Variants in ZNF462 observed in about 807,000 individuals in gnomAD.
ZNF462 encodes the protein zinc finger PBX1-interacting protein.
Under a neutral mutation model 201.9 loss-of-function variants are expected in ZNF462, and 10 were observed. The ratio of observed to expected loss-of-function variants is 0.05; its 90% CI spans 0.03 to 0.08. The LOEUF is 0.08. Among genes scored for constraint, ZNF462 ranks in the 10% least tolerant of loss-of-function variants. The pLI is 1.00. For missense variants in ZNF462, 2,523 were observed against 3,168.3 expected, an observed-to-expected ratio of 0.80 and a Z score of 4.89; for synonymous variants, 1,227 against 1,193.3, an observed-to-expected ratio of 1.03 and a Z score of -0.58.
chr9:106,904,782 T>C (rs180783588), intron 1 of ZNF462, among the ~76,000 whole-genome samples: 1 of 152,354 alleles, frequency 6.6e-6, no homozygotes, highest in Admixed American at 6.5e-5. Flanking sequence ...TTTTTTTCTT[T>C]AAGCTATCTG....
In ZNF462 at chr9:106,928,354, A is replaced by G. The variant is rs750007192; in HGVS notation, c.4442A>G (p.Asn1481Ser). Residue 1481 changes from asparagine to serine, a missense_variant, in exon 3 of 13, where the codon AAC becomes AGC. Asn to Ser is a conservative substitution (Grantham distance 46, BLOSUM62 1). Transcript: ENST00000277225. The surrounding 1 kb of genome is among the most constrained non-coding windows in gnomAD (Gnocchi z 9.3). ...ACGGTATGCCAATCTGAGTATAACA[A>G]CTTGCACGGCCTTCTCACTCATTAT... ...QCTVCQSEYN[N>S]LHGLLTHYGK... The G allele has an allele frequency of 1.9e-6, 3 of 1,614,134 alleles. No homozygotes were observed. The highest frequency in any genetic ancestry group is 2.2e-5 in the East Asian group (1 of 44,880).
At chr9:106,931,673 A>G (rs1213008194) in intron 4 of ZNF462, among the ~76,000 whole-genome samples, 1 of 152,190 alleles carries the variant, frequency 6.6e-6, no homozygotes, top group Non-Finnish European at 1.5e-5. Flanking sequence ...CTGTGTAATC[A>G]GTAACCCAAG....
Position 106,926,581 on chromosome 9 carries a change from A to G in ZNF462, c.2669A>G (p.Glu890Gly). The G allele has an allele frequency of 6.2e-7, 1 of 1,614,124 alleles. No homozygotes were observed. Among genetic ancestry groups the G allele is most frequent in the Admixed American group, 1.7e-5 (1 of 60,016 alleles). The change falls in exon 3 of 13, where the codon GAA becomes GGA. Residue 890 changes from glutamate to glycine, a missense_variant. This residue lies in a region of ZNF462 where 280 missense variants were observed against 321.3 expected (regional missense o/e 0.87). Transcript: ENST00000277225. This position sits in a 1 kb window ranked among gnomAD's most constrained non-coding sequence, Gnocchi z 7.9. ...CACAGTGCAGTGTACAGGTGCCTGG[A>G]ATGCTACATCGATTACACCAACTTC... Reference protein sequence around the residue: ...NDHSAVYRCLECYIDYTNFED... With the variant: ...NDHSAVYRCLGCYIDYTNFED...
intron 1 of ZNF462, among the ~76,000 whole-genome samples, chr9:106,866,518 G>T (rs534885774): frequency 3.0e-4 from 45 of 152,248 alleles, no homozygotes; most frequent in Admixed American, 5.2e-4. Flanking sequence ...AACCATGTTT[G>T]TGCAGACAAA....
upstream of ZNF462, among the ~76,000 whole-genome samples, chr9:106,862,421 G>A (rs1479257305): frequency 2.6e-5 from 4 of 152,108 alleles, no homozygotes; most frequent in Non-Finnish European, 1.5e-5. This position sits in a 1 kb window ranked among gnomAD's most constrained non-coding sequence, Gnocchi z 4.2. Context: ...GGCCAGGGCT[G>A]CCGGGCGCCA....
At chr9:106,911,357 T>A (rs182982619) in intron 1 of ZNF462, among the ~76,000 whole-genome samples, 68 of 152,296 alleles carry the variant, frequency 4.5e-4, no homozygotes, top group Admixed American at 9.2e-4. Flanking sequence ...AGGGCTCCAA[T>A]GCAGTGGAGC....
In ZNF462 at chr9:106,972,716, A is replaced by G. The variant is rs572405317; in HGVS notation, c.6695+444A>G. Reference sequence around the variant, plus strand: ...AAAATTCTTTAATTCTTAAGATCGTAGTATTGAAAGACACATAGAGAATCA... The same window carrying G: ...AAAATTCTTTAATTCTTAAGATCGTGGTATTGAAAGACACATAGAGAATCA... On this transcript the variant is annotated intron_variant, in intron 8 of 12. Transcript: ENST00000277225. This position sits in a 1 kb window ranked among gnomAD's most constrained non-coding sequence, Gnocchi z 4.8. 6.6e-6 allele frequency among the ~76,000 whole-genome samples: 1 copy of G among 152,188 alleles called. No individual in the cohort carries two copies. The highest frequency in any genetic ancestry group is 2.4e-5 in the African/African-American group (1 of 41,442).
Position 107,008,115 on chromosome 9 carries a change from C to T in ZNF462, c.7190-1430C>T, listed in dbSNP as rs1201386283. Among the ~76,000 whole-genome samples, 1 of 152,062 alleles carries T rather than the reference C, an allele frequency of 6.6e-6. No individual in the cohort carries two copies. The highest frequency in any genetic ancestry group is 1.5e-5 in the Non-Finnish European group (1 of 67,974). ...CAGGCATGAAGAAATCAAAATTAAC[C>T]CAAGCAGAATCCTCCCCACCCCCCT... is the stretch of plus-strand genomic sequence containing the variant. On this transcript the variant is annotated intron_variant, in intron 11 of 12. Coordinates refer to ENST00000277225, the MANE Select transcript of ZNF462 (RefSeq NM_021224.6). The surrounding 1 kb of genome is among the most constrained non-coding windows in gnomAD (Gnocchi z 4.8).
In ZNF462 at chr9:107,012,730, T is replaced by A. The variant is rs1452993945; in HGVS notation, c.*1700T>A. On this transcript the variant is annotated 3_prime_UTR_variant, in exon 13 of 13. Transcript: ENST00000277225. ...TTTCATGTTTTTTTTTTTTTTTTTT[T>A]ACTTGGAAGGGTTGTGGGAGGGTGG... 4 of 111,616 alleles carry A rather than the reference T, an allele frequency of 3.6e-5. No homozygotes were observed. Among genetic ancestry groups the A allele is most frequent in the African/African-American group, 1.0e-4 (3 of 28,848 alleles). The allele number at this position is 111,616 out of a possible 1,614,324, so 6.9% of individuals were successfully genotyped here.
chr9:106,982,155 A>G (rs1291322750), intron 9 of ZNF462, among the ~76,000 whole-genome samples: 2 of 152,216 alleles, frequency 1.3e-5, no homozygotes, highest in South Asian at 2.1e-4. Flanking sequence ...GGTTCTGTCC[A>G]TGAGTGCCTT....
intron 7 of ZNF462, among the ~76,000 whole-genome samples, chr9:106,949,899 C>G (rs1215039508): frequency 6.6e-6 from 1 of 152,184 alleles, no homozygotes; most frequent in African/African-American, 2.4e-5. Flanking sequence ...CAGCTGCCCA[C>G]CTGTGGCCAA....
chr9:106,880,827 A>T lies in ZNF462; in HGVS notation c.-31+17472A>T, dbSNP rs575211170. Among the ~76,000 whole-genome samples the T allele has an allele frequency of 6.6e-6, 1 of 152,354 alleles. No individual in the cohort carries two copies. The highest frequency in any genetic ancestry group is 2.1e-4 in the South Asian group (1 of 4,820). On this transcript the variant is annotated intron_variant, in intron 1 of 12. Coordinates refer to ENST00000277225, the MANE Select transcript of ZNF462 (RefSeq NM_021224.6). The surrounding 1 kb of genome is among the most constrained non-coding windows in gnomAD (Gnocchi z 4.1). ...TGGACTCCCAAGATGGATTGGGTCCACACATTCCTAGACCTTTGACCTTTA... is the reference window on the plus strand; with the variant it reads ...TGGACTCCCAAGATGGATTGGGTCCTCACATTCCTAGACCTTTGACCTTTA...
intron 1 of ZNF462, among the ~76,000 whole-genome samples, chr9:106,892,636 A>G (rs1233309973): frequency 6.6e-6 from 1 of 152,000 alleles, no homozygotes; most frequent in Non-Finnish European, 1.5e-5. Flanking sequence ...CAGAAGAATA[A>G]TTTGCTTAGA....
In ZNF462 at chr9:107,008,722, A is replaced by T. The variant is rs187500359; in HGVS notation, c.7190-823A>T. ...TGGCCTGAAAACAGTTAAACAGCCAATCCACATTTATCAGACTTCTACCAT... is the reference window on the plus strand; with the variant it reads ...TGGCCTGAAAACAGTTAAACAGCCATTCCACATTTATCAGACTTCTACCAT... On this transcript the variant is annotated intron_variant, in intron 11 of 12. Coordinates refer to ENST00000277225, the MANE Select transcript of ZNF462 (RefSeq NM_021224.6). This position sits in a 1 kb window ranked among gnomAD's most constrained non-coding sequence, Gnocchi z 4.8. Among the ~76,000 whole-genome samples, 1 of 152,234 alleles carries T rather than the reference A, an allele frequency of 6.6e-6. No homozygotes were observed. The highest frequency in any genetic ancestry group is 6.5e-5 in the Admixed American group (1 of 15,286).
rs1433639719 is a variant in ZNF462 at position 106,970,245 on chromosome 9, C to T, written c.6428-1760C>T. Among the ~76,000 whole-genome samples the T allele has an allele frequency of 6.6e-6, 1 of 152,104 alleles. No individual in the cohort carries two copies. Among genetic ancestry groups the T allele is most frequent in the African/African-American group, 2.4e-5 (1 of 41,428 alleles). The stretch of plus-strand genomic sequence containing the variant: ...CCTATGGAGGCTTGGAGACATTGTT[C>T]AGGTTTCCTTTTGTTTTATTTTTGT... On this transcript the variant is annotated intron_variant, in intron 7 of 12. Coordinates refer to ENST00000277225, the MANE Select transcript of ZNF462 (RefSeq NM_021224.6). This position sits in a 1 kb window ranked among gnomAD's most constrained non-coding sequence, Gnocchi z 4.2.
chr9:106,900,926 C>T (rs1829039557), intron 1 of ZNF462, among the ~76,000 whole-genome samples: 1 of 152,048 alleles, frequency 6.6e-6, no homozygotes, highest in Non-Finnish European at 1.5e-5. Flanking sequence ...TTGTATTGCA[C>T]TTCCTTTTGG....
At chr9:106,948,693 T>C (rs898740185) in intron 7 of ZNF462, among the ~76,000 whole-genome samples, 1 of 151,902 alleles carries the variant, frequency 6.6e-6, no homozygotes, top group Non-Finnish European at 1.5e-5. Flanking sequence ...TGAACCGTAC[T>C]ACACAAACTA....
At chr9:106,989,076 T>G (rs1828069818) in intron 10 of ZNF462, among the ~76,000 whole-genome samples, 1 of 152,172 alleles carries the variant, frequency 6.6e-6, no homozygotes, top group Non-Finnish European at 1.5e-5. Flanking sequence ...AGTACTATGT[T>G]GAAGAGGAGT....
intron 1 of ZNF462, among the ~76,000 whole-genome samples, chr9:106,879,695 G>T (rs1828007547): frequency 6.6e-6 from 1 of 152,152 alleles, no homozygotes; most frequent in Non-Finnish European, 1.5e-5. Context: ...GAAGCCTGCA[G>T]AATGGTTCCA....
Sources: allele counts gnomAD v4.1 joint callset (sites outside exome capture counted in the v4.1 genomes callset), GRCh38; gene constraint gnomAD v4.1.1; regional missense constraint gnomAD v4.1.1; non-coding constraint Gnocchi (gnomAD v3.1); transcripts MANE v1.5; gene names NCBI Gene and HGNC (gene_info 2026-07-23, HGNC 2026-07-21).